The following EDA variants were observed in gnomAD, a reference collection of about 807,000 sequenced individuals.
EDA encodes the protein ectodysplasin A, also known as ectodysplasin-A.
Under a neutral mutation model 23.6 loss-of-function variants are expected in EDA, and 2 were observed. That is an observed-to-expected ratio of 0.08 (90% CI 0.03 to 0.27). EDA has a LOEUF of 0.27. Ranked by LOEUF, EDA falls within the 10% of genes least tolerant of loss-of-function variation. The pLI is 1.00. For synonymous variants in EDA, 131 were observed against 132.0 expected (o/e 0.99, Z 0.05); for missense variants, 229 against 324.2 (o/e 0.71, Z 2.26).
chrX:69,946,853 T>A, intron 1 of EDA, among the ~76,000 whole-genome samples: 1 of 112,061 alleles, frequency 8.9e-6, no homozygotes, highest in East Asian at 2.8e-4. Context: ...AAAATCCTAG[T>A]TTAAATATAT....
intron 1 of EDA, among the ~76,000 whole-genome samples, chrX:69,772,092 A>G (rs1393870735): frequency 9.0e-6 from 1 of 111,563 alleles, no homozygotes; most frequent in African/African-American, 3.3e-5. Context: ...AGCTGGGACT[A>G]TAGGCACACA....
At chrX:69,783,824 G>A (rs779832585) in intron 1 of EDA, among the ~76,000 whole-genome samples, 17 of 105,403 alleles carry the variant, frequency 1.6e-4, no homozygotes, top group Admixed American at 4.1e-4. Flanking sequence ...GGATGACTGG[G>A]TCAAATGGTA....
intron 2 of EDA, among the ~76,000 whole-genome samples, chrX:69,960,669 T>C (rs777047211): frequency 7.3e-5 from 8 of 109,833 alleles, no homozygotes; most frequent in African/African-American, 2.7e-4. Flanking sequence ...AAAAAAAAAA[T>C]CTTATCAGGT....
intron 1 of EDA, among the ~76,000 whole-genome samples, chrX:69,833,721 G>T (rs187653974): frequency 9.0e-6 from 1 of 111,056 alleles, no homozygotes; most frequent in African/African-American, 3.3e-5. Flanking sequence ...CAATTTCAGA[G>T]CCTGTTATTG....
intron 1 of EDA, among the ~76,000 whole-genome samples, chrX:69,934,722 G>A (rs1054648467): frequency 9.0e-6 from 1 of 111,302 alleles, no homozygotes; most frequent in Non-Finnish European, 1.9e-5. Flanking sequence ...ATCACAACAA[G>A]GTAAATGCAG....
At chrX:69,993,730 G>T (rs1369827087) in intron 2 of EDA, among the ~76,000 whole-genome samples, 1 of 112,031 alleles carries the variant, frequency 8.9e-6, no homozygotes, top group African/African-American at 3.2e-5. Context: ...TTCTCAGAAT[G>T]ACTGCTTTAC....
chrX:69,827,057 G>C (rs1485658368), intron 1 of EDA, among the ~76,000 whole-genome samples: 2 of 112,025 alleles, frequency 1.8e-5, no homozygotes, highest in Non-Finnish European at 3.8e-5. Flanking sequence ...TAGAGTTTCT[G>C]CCGAGAGATC....
At chrX:69,837,294 C>T (rs2016799150) in intron 1 of EDA, among the ~76,000 whole-genome samples, 1 of 111,915 alleles carries the variant, frequency 8.9e-6, no homozygotes, top group South Asian at 3.7e-4. Flanking sequence ...TCTCTACAGT[C>T]AGTCCATGGT....
In EDA at chrX:69,616,358, C is replaced by T; in HGVS notation, c.50C>T (p.Pro17Leu). 8.3e-7 allele frequency: 1 copy of T among 1,206,726 alleles called. No individual in the cohort carries two copies. Reference protein sequence around the residue: ...ERRELLPAAAPRERGSQGCGC... With the variant: ...ERRELLPAAALRERGSQGCGC... ...AGGGAACTCCTGCCTGCAGCAGCGC[C>T]GCGGGAGCGAGGGAGCCAGGGCTGC... Residue 17 changes from proline to leucine, a missense_variant, in exon 1 of 8, where the codon CCG becomes CTG. Coordinates refer to ENST00000374552, the MANE Select transcript of EDA (RefSeq NM_001399.5).
intron 1 of EDA, among the ~76,000 whole-genome samples, chrX:69,695,573 G>T (rs776597492): frequency 1.0e-5 from 1 of 98,126 alleles, no homozygotes; most frequent in Non-Finnish European, 2.0e-5. Flanking sequence ...GCAGTGGCAC[G>T]ATCTCGGCTC....
At chrX:69,717,313 A>T (rs937734982) in intron 1 of EDA, among the ~76,000 whole-genome samples, 1 of 111,220 alleles carries the variant, frequency 9.0e-6, no homozygotes, top group Non-Finnish European at 1.9e-5. Flanking sequence ...CAGTATATAC[A>T]GCCTGTATGT....
intron 1 of EDA, among the ~76,000 whole-genome samples, chrX:69,877,296 C>G (rs760781796): frequency 3.6e-4 from 40 of 111,564 alleles, no homozygotes; most frequent in Non-Finnish European, 6.2e-4. Flanking sequence ...CGACAGAGAC[C>G]CTGAGTAAAA....
intron 1 of EDA, among the ~76,000 whole-genome samples, chrX:69,755,563 T>G (rs2014082948): frequency 8.9e-6 from 1 of 111,784 alleles, no homozygotes; most frequent in Non-Finnish European, 1.9e-5. Flanking sequence ...AAACTCCATG[T>G]TGGGAGAACC....
chrX:69,973,001 T>A (rs1201447700), intron 2 of EDA, among the ~76,000 whole-genome samples: 1 of 108,923 alleles, frequency 9.2e-6, no homozygotes, highest in Non-Finnish European at 1.9e-5. Context: ...ACTAAGCTAA[T>A]CTAAGCTAAT....
chrX:69,803,760 C>T (rs1452314103), intron 1 of EDA, among the ~76,000 whole-genome samples: 3 of 110,249 alleles, frequency 2.7e-5, no homozygotes, highest in African/African-American at 9.9e-5. Flanking sequence ...AACTTATTCT[C>T]CTATCTAGTT....
At chrX:69,745,761 G>A (rs915961791) in intron 1 of EDA, among the ~76,000 whole-genome samples, 1 of 111,532 alleles carries the variant, frequency 9.0e-6, no homozygotes, top group African/African-American at 3.3e-5. Flanking sequence ...GCCAAGGTGG[G>A]CAGATCACCA....
At chrX:69,718,927 C>T (rs2012458226) in intron 1 of EDA, among the ~76,000 whole-genome samples, 1 of 111,444 alleles carries the variant, frequency 9.0e-6, no homozygotes, top group Non-Finnish European at 1.9e-5. Context: ...TCAGTTGAGC[C>T]TGAAGATTTC....
chrX:69,679,973 C>T (rs1204977810), intron 1 of EDA, among the ~76,000 whole-genome samples: 2 of 106,998 alleles, frequency 1.9e-5, no homozygotes, highest in Non-Finnish European at 1.9e-5. Flanking sequence ...TATAAATTTC[C>T]CTCTACACAC....
chrX:69,846,486 G>T (rs2147568928), intron 1 of EDA, among the ~76,000 whole-genome samples: 1 of 110,968 alleles, frequency 9.0e-6, no homozygotes, highest in Non-Finnish European at 1.9e-5. Flanking sequence ...TTAGAGACAG[G>T]GTTTCACCAT....
Sources: allele counts gnomAD v4.1 joint callset (sites outside exome capture counted in the v4.1 genomes callset), GRCh38; gene constraint gnomAD v4.1.1; transcripts MANE v1.5; gene names NCBI Gene and HGNC (gene_info 2026-07-23, HGNC 2026-07-21).